PDE4B: variants seen among roughly 807,000 people sequenced by gnomAD.
PDE4B encodes phosphodiesterase 4B.
PDE4B carries 20 observed loss-of-function variants against 82.2 expected under a neutral mutation model. That is an observed-to-expected ratio of 0.24 (90% CI 0.17 to 0.35). The LOEUF is 0.35. Among genes scored for constraint, PDE4B ranks in the 10% least tolerant of loss-of-function variants. The pLI is 1.00. For missense variants in PDE4B, 655 were observed against 907.2 expected, an observed-to-expected ratio of 0.72 and a Z score of 3.57; for synonymous variants, 320 against 318.9, an observed-to-expected ratio of 1.00 and a Z score of -0.04.
intron 3 of PDE4B, among the ~76,000 whole-genome samples, chr1:66,069,501 C>T (rs1246707752): frequency 3.3e-5 from 5 of 151,976 alleles, no homozygotes; most frequent in Non-Finnish European, 7.4e-5. Context: ...GCATTTTCTA[C>T]AGTTAGTTTT....
At chr1:65,879,181 G>A (rs1447976064) in intron 1 of PDE4B, among the ~76,000 whole-genome samples, 2 of 152,104 alleles carry the variant, frequency 1.3e-5, no homozygotes, top group Non-Finnish European at 2.9e-5. Flanking sequence ...ATATGCAGTA[G>A]TCAAAATTCT....
At chr1:65,838,036 A>T (rs1039915413) in intron 1 of PDE4B, among the ~76,000 whole-genome samples, 6 of 152,232 alleles carry the variant, frequency 3.9e-5, no homozygotes, top group Admixed American at 1.3e-4. Flanking sequence ...TTGGATATAA[A>T]ACATCATTGC....
intron 1 of PDE4B, among the ~76,000 whole-genome samples, chr1:65,828,688 G>A (rs774874369): frequency 6.6e-6 from 1 of 152,028 alleles, no homozygotes; most frequent in Non-Finnish European, 1.5e-5. Context: ...GGAATCTACT[G>A]GTTTAAGGTC....
intron 3 of PDE4B, among the ~76,000 whole-genome samples, chr1:65,936,600 T>C (rs1648153033): frequency 6.6e-6 from 1 of 152,208 alleles, no homozygotes; most frequent in African/African-American, 2.4e-5. Flanking sequence ...GAAGGACTTA[T>C]TGAAACACAG....
At position 66,082,659 on chromosome 1, in the gene PDE4B, T is replaced by TATATATAC. The variant is rs1491110830; in HGVS notation, c.281+163825_281+163826insTATATACA. ...TTGAAATAATATATATATATATATA[T>TATATATAC]ACAGTGCTTATAAAGCGCTCAGTAG... On this transcript the variant is annotated intron_variant, in intron 3 of 16. Coordinates refer to ENST00000341517, the MANE Select transcript of PDE4B (RefSeq NM_002600.4). Among the ~76,000 whole-genome samples the TATATATAC allele has an allele frequency of 1.1e-4, 16 of 149,454 alleles. No individual in the cohort carries two copies. The East Asian group carries it at 1.6e-3, about 15-fold the overall frequency.
intron 7 of PDE4B, among the ~76,000 whole-genome samples, chr1:66,315,751 G>C (rs1456939946): frequency 6.6e-6 from 1 of 152,180 alleles, no homozygotes. Context: ...AATGCTTGCT[G>C]TTTATCAAGC....
chr1:65,970,493 G>A (rs1650073215), intron 3 of PDE4B, among the ~76,000 whole-genome samples: 2 of 152,094 alleles, frequency 1.3e-5, no homozygotes, highest in Non-Finnish European at 2.9e-5. Context: ...AAGTGACTAT[G>A]TGTTTACAGT....
chr1:66,016,138 A>G (rs1652763147), intron 3 of PDE4B, among the ~76,000 whole-genome samples: 2 of 152,168 alleles, frequency 1.3e-5, no homozygotes, highest in Non-Finnish European at 2.9e-5. Context: ...TGAGATATTT[A>G]TTGCAGTTAC....
chr1:66,266,297 T>A, intron 7 of PDE4B: 1 of 585,584 alleles, frequency 1.7e-6, no homozygotes, highest in East Asian at 2.9e-5. Context: ...ATTTGCCCAT[T>A]GTATGTGCAG....
chr1:65,943,061 G>T (rs1452509979), intron 3 of PDE4B, among the ~76,000 whole-genome samples: 2 of 151,798 alleles, frequency 1.3e-5, no homozygotes, highest in South Asian at 2.1e-4. Context: ...ATGCTTTCAG[G>T]TTTATACCTA....
intron 1 of PDE4B, among the ~76,000 whole-genome samples, chr1:65,849,693 T>C (rs943325084): frequency 2.0e-5 from 3 of 151,290 alleles, no homozygotes; most frequent in African/African-American, 7.3e-5. Flanking sequence ...TTTTAGATAC[T>C]GGGCACTGCA....
intron 7 of PDE4B, chr1:66,332,289 G>C: frequency 6.6e-7 from 1 of 1,520,812 alleles, no homozygotes; most frequent in South Asian, 1.3e-5. Context: ...TCCAGGCGGG[G>C]GGTTGGGGGG....
rs531376353 is a variant in PDE4B at position 66,117,269 on chromosome 1, G to C, written c.282-130191G>C. Among the ~76,000 whole-genome samples the C allele has an allele frequency of 1.8e-4, 27 of 151,312 alleles. 1 individual carries two copies. Among genetic ancestry groups the C allele is most frequent in the Admixed American group, 1.4e-3 (22 of 15,222 alleles). ...TACTAGTTGCCAGAAAAAAAAAGTT[G>C]ATGATCTTACAGAGATTTTCTTAAA... On this transcript the variant is annotated intron_variant, in intron 3 of 16. Coordinates refer to ENST00000341517, the MANE Select transcript of PDE4B (RefSeq NM_002600.4).
At chr1:65,897,708 C>G (rs1646926886) in intron 1 of PDE4B, among the ~76,000 whole-genome samples, 1 of 151,712 alleles carries the variant, frequency 6.6e-6, no homozygotes, top group South Asian at 2.1e-4. Flanking sequence ...TGTACATATA[C>G]CACATTTTCT....
At chr1:66,090,649 A>C (rs1182184918) in intron 3 of PDE4B, among the ~76,000 whole-genome samples, 1 of 51,008 alleles carries the variant, frequency 2.0e-5, no homozygotes, top group Non-Finnish European at 3.5e-5. Context: ...GTATGTACGT[A>C]TATATATGTA....
intron 3 of PDE4B, among the ~76,000 whole-genome samples, chr1:66,114,221 T>C (rs1369292611): frequency 6.6e-6 from 1 of 152,184 alleles, no homozygotes; most frequent in Non-Finnish European, 1.5e-5. Context: ...GCCAGCACCT[T>C]GATCTCGGAC....
At chr1:66,112,758 A>C (rs1361925876) in intron 3 of PDE4B, 2 of 152,182 alleles carry the variant, frequency 1.3e-5, no homozygotes, top group Non-Finnish European at 2.9e-5. Context: ...ATAATTTTAA[A>C]TTGTTTTTCA....
intron 7 of PDE4B, among the ~76,000 whole-genome samples, chr1:66,298,860 A>G (rs1243506329): frequency 6.6e-6 from 1 of 152,072 alleles, no homozygotes; most frequent in Admixed American, 6.6e-5. Context: ...GGATCTGAAA[A>G]CATTTAGTGA....
At chr1:66,335,002 A>T (rs191645884) in intron 8 of PDE4B, among the ~76,000 whole-genome samples, 1 of 152,356 alleles carries the variant, frequency 6.6e-6, no homozygotes, top group Admixed American at 6.5e-5. Flanking sequence ...GCAAAAAAAA[A>T]CTATATTCCA....
Sources: gnomAD v4.1 joint callset for allele counts (sites outside exome capture counted in the v4.1 genomes callset) on GRCh38, gnomAD v4.1.1 for gene constraint, MANE v1.5 for transcripts, NCBI Gene and HGNC (gene_info 2026-07-23, HGNC 2026-07-21) for gene names.